The following BRINP2 variants were observed in gnomAD, a reference collection of about 807,000 sequenced individuals.
The protein encoded by BRINP2 is BMP/retinoic acid inducible neural specific 2.
BRINP2 carries 21 observed loss-of-function variants against 69.2 expected under a neutral mutation model. That is an observed-to-expected ratio of 0.30 (90% CI 0.22 to 0.44). BRINP2 has a LOEUF of 0.44. Among genes scored for constraint, BRINP2 ranks in the 20% least tolerant of loss-of-function variants. BRINP2 has a pLI of 1.00. For missense variants in BRINP2, 877 were observed against 986.0 expected, an observed-to-expected ratio of 0.89 and a Z score of 1.48; for synonymous variants, 380 against 394.1, an observed-to-expected ratio of 0.96 and a Z score of 0.42.
intron 1 of BRINP2, among the ~76,000 whole-genome samples, chr1:177,186,099 A>C (rs1648416881): frequency 1.3e-5 from 2 of 152,206 alleles, no homozygotes; most frequent in Admixed American, 1.3e-4. Context: ...TCCTGTGCCT[A>C]CCAAATCCTA....
At chr1:177,179,091 G>A (rs915908196) in intron 1 of BRINP2, among the ~76,000 whole-genome samples, 1 of 152,088 alleles carries the variant, frequency 6.6e-6, no homozygotes, top group Non-Finnish European at 1.5e-5. Context: ...AGGGGAGCTG[G>A]CATTCTAATC....
Position 177,280,613 on chromosome 1 carries a change from C to T in BRINP2, c.1437C>T (p.Ser479=). The change falls in exon 8 of 8, where the codon AGC becomes AGT. Residue 479 remains serine, a synonymous_variant. Coordinates refer to ENST00000361539, the MANE Select transcript of BRINP2 (RefSeq NM_021165.4). ...CAPDNSTRCG[S]CNPGYVLAQG... The stretch of plus-strand genomic sequence containing the variant: ...CAGACAATAGCACACGCTGTGGGAG[C>T]TGCAACCCGGGCTATGTGCTGGCCC... 6.2e-7 allele frequency: 1 copy of T among 1,614,130 alleles called. No homozygotes were observed. Among genetic ancestry groups the T allele is most frequent in the Non-Finnish European group, 8.5e-7 (1 of 1,180,002 alleles).
intron 7 of BRINP2, among the ~76,000 whole-genome samples, 166 bp from the exon 8 acceptor site, chr1:177,280,246 A>G (rs1335052550): frequency 6.6e-6 from 1 of 152,220 alleles, no homozygotes; most frequent in African/African-American, 2.4e-5. Context: ...GCTTTGCTCA[A>G]TCAGTCCAAA....
At chr1:177,181,798 C>A (rs1648257844) in intron 1 of BRINP2, among the ~76,000 whole-genome samples, 1 of 152,138 alleles carries the variant, frequency 6.6e-6, no homozygotes, top group South Asian at 2.1e-4. Flanking sequence ...GGATTTGAGC[C>A]GCGAGGGACC....
intron 1 of BRINP2, among the ~76,000 whole-genome samples, chr1:177,202,093 T>C (rs1169942341): frequency 6.6e-6 from 1 of 152,192 alleles, no homozygotes; most frequent in Non-Finnish European, 1.5e-5. Flanking sequence ...CTTCTCTCTT[T>C]TCTTCTTTAT....
chr1:177,278,919 C>T (rs1242036387), intron 7 of BRINP2, 134 bp downstream of exon 7: 2 of 804,554 alleles, frequency 2.5e-6, no homozygotes, highest in Non-Finnish European at 4.0e-6. Context: ...TTATCTTGAC[C>T]TACTCATGTG....
intron 1 of BRINP2, among the ~76,000 whole-genome samples, chr1:177,192,597 T>C (rs952149437): frequency 1.6e-4 from 24 of 152,176 alleles, no homozygotes; most frequent in African/African-American, 5.8e-4. Flanking sequence ...AGAACATCAC[T>C]CATCTCCCTG....
chr1:177,191,826 C>T (rs966120597), intron 1 of BRINP2, among the ~76,000 whole-genome samples: 3 of 152,136 alleles, frequency 2.0e-5, no homozygotes, highest in Non-Finnish European at 4.4e-5. Flanking sequence ...AGAAGGGACC[C>T]AGACTGAAAA....
At chr1:177,195,453 C>T (rs374721269) in intron 1 of BRINP2, among the ~76,000 whole-genome samples, 3 of 151,082 alleles carry the variant, frequency 2.0e-5, no homozygotes, top group Non-Finnish European at 2.9e-5. Context: ...GGACAAAGCA[C>T]GAGTCCAGCG....
chr1:177,246,511 G>A (rs745800638), intron 2 of BRINP2, among the ~76,000 whole-genome samples: 1 of 152,220 alleles, frequency 6.6e-6, no homozygotes, highest in Non-Finnish European at 1.5e-5. Context: ...GCAAAAAACA[G>A]TTTGGATATC....
intron 1 of BRINP2, among the ~76,000 whole-genome samples, chr1:177,175,058 A>G (rs1648047127): frequency 1.3e-5 from 2 of 152,214 alleles, no homozygotes; most frequent in Non-Finnish European, 2.9e-5. Flanking sequence ...CCTAAGAGAG[A>G]GCCTTGATTT....
At chr1:177,253,342 T>C (rs982922643) in intron 2 of BRINP2, among the ~76,000 whole-genome samples, 12 of 152,190 alleles carry the variant, frequency 7.9e-5, no homozygotes, top group Non-Finnish European at 7.4e-5. Flanking sequence ...CATTTTTATG[T>C]ATTCTTTTGA....
intron 4 of BRINP2, among the ~76,000 whole-genome samples, chr1:177,266,777 A>AAAAG (rs1558183534): frequency 5.3e-5 from 8 of 151,398 alleles, no homozygotes; most frequent in East Asian, 3.9e-4. Flanking sequence ...AAAAAAAAAA[A>AAAAG]AAAGAAAGAA....
chr1:177,193,638 C>T (rs1648654782), intron 1 of BRINP2, among the ~76,000 whole-genome samples: 1 of 152,108 alleles, frequency 6.6e-6, no homozygotes, highest in Non-Finnish European at 1.5e-5. Context: ...AAAAGAATGC[C>T]CTTTCTTGAA....
intron 4 of BRINP2, among the ~76,000 whole-genome samples, chr1:177,270,908 C>A (rs1271924012): frequency 6.6e-6 from 1 of 152,166 alleles, no homozygotes; most frequent in Non-Finnish European, 1.5e-5. Flanking sequence ...AAGACTTCAC[C>A]TTGAAATGAG....
At chr1:177,277,161 A>G (rs1372532236) in intron 6 of BRINP2, among the ~76,000 whole-genome samples, 1 of 151,568 alleles carries the variant, frequency 6.6e-6, no homozygotes, top group Non-Finnish European at 1.5e-5. Context: ...GTTACATTAT[A>G]TATATATTTA....
chr1:177,268,603 G>T (rs561662405), intron 4 of BRINP2, among the ~76,000 whole-genome samples: 1 of 152,244 alleles, frequency 6.6e-6, no homozygotes, highest in Non-Finnish European at 1.5e-5. Context: ...ATCCCCCTCT[G>T]TTGGAAGGTT....
chr1:177,178,978 C>T (rs1453937237), intron 1 of BRINP2, among the ~76,000 whole-genome samples: 1 of 152,132 alleles, frequency 6.6e-6, no homozygotes, highest in Non-Finnish European at 1.5e-5. Context: ...CACAAATAAA[C>T]TCATTTGATC....
chr1:177,278,740 G>A lies in BRINP2; in HGVS notation c.1190G>A (p.Cys397Tyr). The change falls in exon 7 of 8, where the codon TGC becomes TAC. Residue 397 changes from cysteine (C) to tyrosine (Y), a missense_variant. Cys to Tyr is a radical substitution (Grantham distance 194). Transcript: ENST00000361539. ...ATCCTACGCCGGCTCTTCAACCTCTGCAAGCGCTGCCATCGCCAGCCTCGC... is the reference window on the plus strand; with the variant it reads ...ATCCTACGCCGGCTCTTCAACCTCTACAAGCGCTGCCATCGCCAGCCTCGC... Reference protein sequence around the residue: ...HRILRRLFNLCKRCHRQPRFR... With the variant: ...HRILRRLFNLYKRCHRQPRFR... 6.2e-7 allele frequency: 1 copy of A among 1,614,186 alleles called. No individual in the cohort carries two copies. Among genetic ancestry groups the A allele is most frequent in the Non-Finnish European group, 8.5e-7 (1 of 1,180,048 alleles).
Sources: allele counts gnomAD v4.1 joint callset (sites outside exome capture counted in the v4.1 genomes callset), GRCh38; gene constraint gnomAD v4.1.1; transcripts MANE v1.5; gene names NCBI Gene and HGNC (gene_info 2026-07-23, HGNC 2026-07-21).